The following COIL variants were observed in gnomAD, a reference collection of about 807,000 sequenced individuals.
COIL encodes coilin.
In COIL, 28 loss-of-function variants were observed where a neutral mutation model predicts 51.6. That is an observed-to-expected ratio of 0.54 (90% CI 0.40 to 0.74). COIL has a LOEUF of 0.74. Ranked by LOEUF, COIL falls within the 30% of genes least tolerant of loss-of-function variation. COIL has a pLI of 0.00. For missense variants in COIL, 667 were observed against 685.9 expected, an observed-to-expected ratio of 0.97 and a Z score of 0.31; for synonymous variants, 233 against 255.8, an observed-to-expected ratio of 0.91 and a Z score of 0.85.
chr17:56,952,413 T>G, intron 1 of COIL: 1 of 384,688 alleles, frequency 2.6e-6, no homozygotes. Flanking sequence ...AACGATGTAA[T>G]ACGTATTTAC....
chr17:56,938,992 T>TAAA lies in COIL; in HGVS notation c.*78_*79insTTT. 1.3e-6 allele frequency: 1 copy of TAAA among 775,216 alleles called. No individual in the cohort carries two copies. Among genetic ancestry groups the TAAA allele is most frequent in the Non-Finnish European group, 2.1e-6 (1 of 473,374 alleles). 48.0% of individuals were successfully genotyped at this position (775,216 alleles called of 1,614,324 possible). On this transcript the variant is annotated 3_prime_UTR_variant, in exon 7 of 7. Coordinates refer to ENST00000240316, the MANE Select transcript of COIL (RefSeq NM_004645.3). The stretch of plus-strand genomic sequence containing the variant: ...AATCCATACAACTTCCAAATCCTCT[T>TAAA]TAAAAAAAAAAAAAAGTTTGGGTTA...
intron 1 of COIL, among the ~76,000 whole-genome samples, chr17:56,959,266 C>T (rs1333139096): frequency 1.3e-5 from 2 of 152,012 alleles, no homozygotes; most frequent in Non-Finnish European, 2.9e-5. Flanking sequence ...ATTGCCTGTG[C>T]CCAGGAAGTC....
intron 1 of COIL, among the ~76,000 whole-genome samples, chr17:56,956,044 A>G (rs577731008): frequency 6.6e-6 from 1 of 152,346 alleles, no homozygotes; most frequent in East Asian, 1.9e-4. Context: ...TTGTAGTTTA[A>G]AAGTATAAGT....
At chr17:56,956,962 T>C (rs993616728) in intron 1 of COIL, among the ~76,000 whole-genome samples, 2 of 152,158 alleles carry the variant, frequency 1.3e-5, no homozygotes, top group East Asian at 1.9e-4. Context: ...CCTTACAGAA[T>C]TGATTCTTCA....
chr17:56,960,351 C>G (rs1272506150), intron 1 of COIL, among the ~76,000 whole-genome samples: 2 of 147,260 alleles, frequency 1.4e-5, no homozygotes, highest in East Asian at 4.1e-4. Flanking sequence ...TGGTGAAACC[C>G]CATCTCTACT....
In COIL at chr17:56,961,030, G is replaced by A. The variant is rs1465235791; in HGVS notation, c.-11C>T. The A allele has an allele frequency of 6.8e-6, 11 of 1,612,420 alleles. No homozygotes were observed. In the East Asian group the frequency reaches 2.0e-4, roughly 29 times the overall value. On this transcript the variant is annotated 5_prime_UTR_variant, in exon 1 of 7. Coordinates refer to ENST00000240316, the MANE Select transcript of COIL (RefSeq NM_004645.3). ...CTCGGAAGCTGCCATCTTGCTTGGT[G>A]CTCAACGGAAGCCGAGAGATACCAC...
chr17:56,951,168 TACTC>T (rs1437280637), intron 1 of COIL, among the ~76,000 whole-genome samples, 172 bp from the exon 2 acceptor site: 10 of 152,372 alleles, frequency 6.6e-5, no homozygotes, highest in African/African-American at 1.9e-4. Flanking sequence ...TATGTAGCAT[TACTC>T]ACAGTCAACT....
At chr17:56,940,623 A>G (rs1828868762) in intron 6 of COIL, among the ~76,000 whole-genome samples, 1 of 152,244 alleles carries the variant, frequency 6.6e-6, no homozygotes, top group African/African-American at 2.4e-5. Context: ...CATCTACCTT[A>G]AAGACAAGGT....
chr17:56,955,586 C>A (rs1195486962), intron 1 of COIL, among the ~76,000 whole-genome samples: 1 of 152,140 alleles, frequency 6.6e-6, no homozygotes, highest in African/African-American at 2.4e-5. Flanking sequence ...TTTTTAAAAT[C>A]ATTACCTCAG....
chr17:56,957,200 T>C (rs1336514857), intron 1 of COIL, among the ~76,000 whole-genome samples: 2 of 151,762 alleles, frequency 1.3e-5, no homozygotes, highest in Admixed American at 6.6e-5. Context: ...TAAGCCAAGG[T>C]TGCGCCACTG....
intron 1 of COIL, chr17:56,952,301 A>G: frequency 2.1e-6 from 1 of 473,914 alleles, no homozygotes; most frequent in Non-Finnish European, 4.2e-6. Flanking sequence ...CTCCCATCCC[A>G]CCAGTTTGGT....
chr17:56,939,213 A>G lies in COIL; in HGVS notation c.1648-59T>C, dbSNP rs1463148159. The G allele has an allele frequency of 6.7e-6, 6 of 901,236 alleles. No individual in the cohort carries two copies. The East Asian group carries it at 1.5e-4, about 22-fold the overall frequency. The allele number at this position is 901,236 out of a possible 1,614,324, so 55.8% of individuals were successfully genotyped here. On this transcript the variant is annotated intron_variant, in intron 6 of 6. Transcript: ENST00000240316. ...CTTCATTTTGAGGTCATACCGGTTAATTCAGCCACGTAAATTTTCCGTCTG... is the reference window on the plus strand; with the variant it reads ...CTTCATTTTGAGGTCATACCGGTTAGTTCAGCCACGTAAATTTTCCGTCTG...
chr17:56,951,706 TC>T (rs1194810777), intron 1 of COIL: 1 of 153,322 alleles, frequency 6.5e-6, no homozygotes, highest in East Asian at 1.9e-4. Flanking sequence ...CTCAAGAGCA[TC>T]AACAAAGCTG....
chr17:56,953,199 C>A (rs1567853901), intron 1 of COIL, among the ~76,000 whole-genome samples: 1 of 151,798 alleles, frequency 6.6e-6, no homozygotes, highest in Non-Finnish European at 1.5e-5. Context: ...ATCACAAGGT[C>A]AGGAGATCGA....
At chr17:56,957,748 A>C (rs1439388129) in intron 1 of COIL, among the ~76,000 whole-genome samples, 2 of 152,226 alleles carry the variant, frequency 1.3e-5, no homozygotes, top group Non-Finnish European at 2.9e-5. Flanking sequence ...TAAGCCATAC[A>C]GTCTGTGGTA....
At position 56,939,120 on chromosome 17, in the gene COIL, C is replaced by T; in HGVS notation, c.1682G>A (p.Arg561Lys). The change falls in exon 7 of 7, where the codon AGA (arginine) becomes AAA (lysine). Residue 561 changes from arginine (R) to lysine (K), a missense_variant. Physicochemically the swap from Arg to Lys is conservative, Grantham distance 26. Transcript: ENST00000240316. Reference protein sequence around the residue: ...TVFWKELIDPRLIIESPSNTS... With the variant: ...TVFWKELIDPKLIIESPSNTS... ...GTTACTTGGAGATTCAATAATCAGT[C>T]TTGGGTCAATCAACTCTTTCCAAAA... 2 of 1,605,690 alleles carry T rather than the reference C, an allele frequency of 1.2e-6. No individual in the cohort carries two copies. The highest frequency in any genetic ancestry group is 1.7e-6 in the Non-Finnish European group (2 of 1,172,524).
intron 5 of COIL, among the ~76,000 whole-genome samples, chr17:56,943,243 C>T (rs549024827): frequency 5.9e-5 from 9 of 152,316 alleles, no homozygotes; most frequent in African/African-American, 2.2e-4. Context: ...CTTCTAATGT[C>T]GTGAAATAGC....
At chr17:56,953,681 G>C (rs1201251342) in intron 1 of COIL, among the ~76,000 whole-genome samples, 2 of 152,132 alleles carry the variant, frequency 1.3e-5, no homozygotes, top group Admixed American at 6.6e-5. Flanking sequence ...GAGCATATGT[G>C]ACAAGCATTC....
intron 1 of COIL, among the ~76,000 whole-genome samples, chr17:56,953,296 A>G (rs943862600): frequency 3.3e-5 from 5 of 151,200 alleles, no homozygotes; most frequent in African/African-American, 9.7e-5. Context: ...CTGTAGTCCC[A>G]GCTACTCGGG....
Sources: allele counts gnomAD v4.1 joint callset (sites outside exome capture counted in the v4.1 genomes callset), GRCh38; gene constraint gnomAD v4.1.1; transcripts MANE v1.5; gene names NCBI Gene and HGNC (gene_info 2026-07-23, HGNC 2026-07-21).